Variants in ANO10 observed in about 807,000 individuals in gnomAD.
ANO10 encodes anoctamin-10.
Under a neutral mutation model 74.7 loss-of-function variants are expected in ANO10, and 77 were observed. That is an observed-to-expected ratio of 1.03 (90% confidence interval 0.86 to 1.25). The LOEUF (loss-of-function observed/expected upper bound fraction) is 1.25. ANO10 is among the 50% of genes most tolerant of loss of function. The probability of loss-of-function intolerance (pLI) is 0.00; values close to 1 mark genes in which losing one functional copy is unlikely to be tolerated. For missense variants in ANO10, 721 were observed against 778.1 expected (o/e 0.93, Z 0.87); for synonymous variants, 279 against 284.9 (o/e 0.98, Z 0.21).
intron 7 of ANO10, among the ~76,000 whole-genome samples, chr3:43,566,798 C>T (rs1041386593): frequency 1.3e-5 from 2 of 152,326 alleles, no homozygotes; most frequent in African/African-American, 4.8e-5. Context: ...TCCAAAGGAA[C>T]GCAGTTCCTC....
At chr3:43,507,636 G>A (rs2077344812) in intron 11 of ANO10, among the ~76,000 whole-genome samples, 1 of 152,048 alleles carries the variant, frequency 6.6e-6, no homozygotes, top group Non-Finnish European at 1.5e-5. Context: ...GTCACTGGTA[G>A]GCCCAGTGAC....
intron 7 of ANO10, among the ~76,000 whole-genome samples, chr3:43,573,249 C>T (rs1441124195): frequency 6.6e-6 from 1 of 152,136 alleles, no homozygotes; most frequent in African/African-American, 2.4e-5. Context: ...AGCCATTTCA[C>T]GGTGTGAAGG....
chr3:43,448,212 T>TGG (rs1369445815), intron 11 of ANO10, among the ~76,000 whole-genome samples: 5 of 152,202 alleles, frequency 3.3e-5, no homozygotes, highest in Non-Finnish European at 1.5e-5. Context: ...CCACTTGGTC[T>TGG]GGTATTCTGT....
At chr3:43,608,006 T>C (rs543932675) in intron 1 of ANO10, among the ~76,000 whole-genome samples, 9 of 152,042 alleles carry the variant, frequency 5.9e-5, no homozygotes, top group Non-Finnish European at 1.3e-4. Context: ...GACAAGGAAC[T>C]ACAAGGAACT....
intron 7 of ANO10, among the ~76,000 whole-genome samples, chr3:43,567,760 A>C (rs2080450195): frequency 1.3e-5 from 2 of 152,126 alleles, no homozygotes; most frequent in African/African-American, 2.4e-5. Flanking sequence ...CGAGACTAGG[A>C]AGAAACTGCA....
chr3:43,658,710 C>T lies in ANO10; in HGVS notation c.-12+32807G>A, dbSNP rs556194839. ...GTCTTGAACTTCAGACTTCATGATT[C>T]GCCCACCTTGGCCACCCAAAGTGCT... On this transcript the variant is annotated intron_variant, in intron 1 of 3. Transcript: ENST00000413397. 6.6e-5 allele frequency among the ~76,000 whole-genome samples: 10 copies of T among 152,148 alleles called. No homozygotes were observed. In the South Asian group the frequency reaches 1.0e-3, roughly 16 times the overall value.
intron 1 of ANO10, chr3:43,691,323 T>G: frequency 3.4e-6 from 1 of 297,982 alleles, no homozygotes; most frequent in Non-Finnish European, 6.2e-6. Flanking sequence ...CGCCCCGTTG[T>G]TGTATAAGCC....
chr3:43,418,144 G>A (rs1175190296), intron 12 of ANO10, among the ~76,000 whole-genome samples: 1 of 152,200 alleles, frequency 6.6e-6, no homozygotes, highest in African/African-American at 2.4e-5. Context: ...GGGGGTGGTG[G>A]CAGGTGCCTG....
chr3:43,576,638 A>C (rs763801421), intron 6 of ANO10, 54 bp downstream of exon 6: 22 of 1,569,666 alleles, frequency 1.4e-5, no homozygotes, highest in East Asian at 6.7e-5. Flanking sequence ...CCCATGATCT[A>C]GGCAACATTT....
At chr3:43,679,933 T>G (rs1465346394) in intron 1 of ANO10, among the ~76,000 whole-genome samples, 1 of 152,180 alleles carries the variant, frequency 6.6e-6, no homozygotes. Context: ...AAATCCCATC[T>G]GTACGTCACC....
At chr3:43,563,202 G>A (rs990769752) in intron 8 of ANO10, among the ~76,000 whole-genome samples, 1 of 151,970 alleles carries the variant, frequency 6.6e-6, no homozygotes, top group Admixed American at 6.6e-5. Flanking sequence ...CATAGCCACA[G>A]GTATATGAAA....
chr3:43,684,199 T>C (rs2084242494), intron 1 of ANO10, among the ~76,000 whole-genome samples: 1 of 151,866 alleles, frequency 6.6e-6, no homozygotes, highest in Non-Finnish European at 1.5e-5. Context: ...AGGGCTAATA[T>C]CCAGAATCTA....
At chr3:43,395,505 A>T (rs942968972) in intron 12 of ANO10, among the ~76,000 whole-genome samples, 4 of 152,162 alleles carry the variant, frequency 2.6e-5, no homozygotes, top group Non-Finnish European at 5.9e-5. Context: ...TTTGCACATG[A>T]ATATCCAATT....
chr3:43,648,969 G>A (rs1406792203), intron 1 of ANO10, among the ~76,000 whole-genome samples: 3 of 152,148 alleles, frequency 2.0e-5, no homozygotes, highest in Non-Finnish European at 2.9e-5. Context: ...GAGCCACGGC[G>A]CCCAGCCTTA....
intron 11 of ANO10, among the ~76,000 whole-genome samples, chr3:43,441,969 C>T (rs2093166838): frequency 6.6e-6 from 1 of 152,016 alleles, no homozygotes; most frequent in Non-Finnish European, 1.5e-5. Flanking sequence ...GATAAAAACA[C>T]TCAACAAAGT....
chr3:43,543,993 T>C (rs1287918652), intron 11 of ANO10, among the ~76,000 whole-genome samples: 3 of 152,172 alleles, frequency 2.0e-5, no homozygotes, highest in Admixed American at 6.5e-5. Flanking sequence ...TAATTTAGAA[T>C]TAAAACTGTC....
intron 11 of ANO10, among the ~76,000 whole-genome samples, chr3:43,525,939 C>T (rs554071619): frequency 8.5e-5 from 13 of 152,310 alleles, no homozygotes; most frequent in Middle Eastern, 3.4e-3. Context: ...CCAACAACAT[C>T]GCTCCACTTT....
intron 11 of ANO10, among the ~76,000 whole-genome samples, chr3:43,489,086 C>T (rs1471198967): frequency 2.4e-4 from 36 of 149,288 alleles, no homozygotes; most frequent in Admixed American, 7.4e-4. Context: ...AACCAAACAC[C>T]GCATATTCTC....
intron 4 of ANO10, among the ~76,000 whole-genome samples, chr3:43,581,684 G>C (rs937198271): frequency 6.6e-6 from 1 of 152,114 alleles, no homozygotes; most frequent in Non-Finnish European, 1.5e-5. Context: ...ACTTTAGGAG[G>C]CTGAGGCGGA....
Sources: allele counts gnomAD v4.1 joint callset (sites outside exome capture counted in the v4.1 genomes callset), GRCh38; gene constraint gnomAD v4.1.1; transcripts MANE v1.5; gene names NCBI Gene and HGNC (gene_info 2026-07-23, HGNC 2026-07-21).